PTPRD: variants seen among roughly 807,000 people sequenced by gnomAD.
PTPRD encodes the protein receptor-type tyrosine-protein phosphatase delta.
In PTPRD, 34 loss-of-function variants were observed where a neutral mutation model predicts 214.5. That is an observed-to-expected ratio of 0.16 (90% confidence interval 0.12 to 0.21). The LOEUF (loss-of-function observed/expected upper bound fraction) is 0.21. PTPRD is among the 10% of genes least tolerant of loss of function. The pLI, the probability that PTPRD is intolerant of heterozygous loss-of-function variation, is 1.00. For synonymous variants in PTPRD, 1,128 were observed against 845.7 expected (o/e 1.33, Z -5.79); for missense variants, 2,545 against 2,398.7 (o/e 1.06, Z -1.27).
chr9:8,525,079 G>A (rs542103866), intron 17 of PTPRD, 44 bp from the exon 18 acceptor site: 16 of 1,517,232 alleles, frequency 1.1e-5, no homozygotes, highest in Non-Finnish European at 1.4e-5. Flanking sequence ...GATCAGAGAA[G>A]GCTTTCTCAG....
intron 2 of PTPRD, among the ~76,000 whole-genome samples, chr9:10,588,978 T>C (rs2074683624): frequency 6.6e-6 from 1 of 152,158 alleles, no homozygotes; most frequent in African/African-American, 2.4e-5. Flanking sequence ...ACTGAATGAG[T>C]AATATTGTAG....
chr9:10,560,144 A>G (rs1361798679), intron 2 of PTPRD, among the ~76,000 whole-genome samples: 2 of 152,184 alleles, frequency 1.3e-5, no homozygotes, highest in Non-Finnish European at 2.9e-5. Context: ...AATAGCAAAG[A>G]CATGGAACCA....
At chr9:9,898,757 T>G (rs1037910118) in intron 5 of PTPRD, among the ~76,000 whole-genome samples, 20 of 152,114 alleles carry the variant, frequency 1.3e-4, no homozygotes, top group Non-Finnish European at 1.5e-5. Context: ...TATATTCCAC[T>G]TGACTAATGT....
chr9:10,026,595 T>A (rs2096927497), intron 4 of PTPRD, among the ~76,000 whole-genome samples: 1 of 152,146 alleles, frequency 6.6e-6, no homozygotes, highest in Admixed American at 6.6e-5. Flanking sequence ...GCAGTCACAG[T>A]ACAGTTACAA....
chr9:9,649,197 T>C (rs927578060), intron 7 of PTPRD, among the ~76,000 whole-genome samples: 1 of 152,170 alleles, frequency 6.6e-6, no homozygotes, highest in African/African-American at 2.4e-5. Flanking sequence ...ATTTCATACA[T>C]TCTGACCCTG....
intron 11 of PTPRD, among the ~76,000 whole-genome samples, chr9:8,946,031 G>A (rs1418560500): frequency 6.6e-6 from 1 of 152,116 alleles, no homozygotes; most frequent in African/African-American, 2.4e-5. Context: ...TGTAGAAAGA[G>A]CATGAGATAT....
chr9:8,908,499 G>T (rs1566944804), intron 11 of PTPRD, among the ~76,000 whole-genome samples: 1 of 151,710 alleles, frequency 6.6e-6, no homozygotes, highest in Admixed American at 6.6e-5. Context: ...TAACCCATGG[G>T]GTAAAGAAGA....
At chr9:8,757,455 A>G (rs1207756694) in intron 11 of PTPRD, among the ~76,000 whole-genome samples, 1 of 152,000 alleles carries the variant, frequency 6.6e-6, no homozygotes, top group East Asian at 1.9e-4. Flanking sequence ...CAAATACCAT[A>G]TACCATACAG....
chr9:9,390,357 T>G (rs2065375021), intron 9 of PTPRD, among the ~76,000 whole-genome samples: 2 of 152,086 alleles, frequency 1.3e-5, no homozygotes, highest in African/African-American at 2.4e-5. Context: ...AGTACTTAGA[T>G]TTTTACTTTT....
At chr9:10,412,656 ACACACACACC>A (rs1302894730) in intron 2 of PTPRD, among the ~76,000 whole-genome samples, 4 of 149,172 alleles carry the variant, frequency 2.7e-5, no homozygotes, top group African/African-American at 1.0e-4. Context: ...ACACACACAC[ACACACACACC>A]CCTTGAAGCC....
intron 2 of PTPRD, among the ~76,000 whole-genome samples, chr9:10,344,282 G>A (rs1396165027): frequency 6.6e-6 from 1 of 152,020 alleles, no homozygotes; most frequent in African/African-American, 2.4e-5. Flanking sequence ...TTATTGAATA[G>A]AGAATCCTTT....
At chr9:10,029,360 T>G (rs992770692) in intron 4 of PTPRD, among the ~76,000 whole-genome samples, 105 of 152,252 alleles carry the variant, frequency 6.9e-4, no homozygotes, top group African/African-American at 2.5e-3. Flanking sequence ...GACCCCAGAA[T>G]GGTAGATCCA....
chr9:9,919,470 T>C (rs1196178269), intron 5 of PTPRD, among the ~76,000 whole-genome samples: 1 of 152,118 alleles, frequency 6.6e-6, no homozygotes, highest in African/African-American at 2.4e-5. Context: ...TCCCACCCTT[T>C]AGATGGCTGT....
At chr9:9,699,548 A>T (rs58523814) in intron 7 of PTPRD, among the ~76,000 whole-genome samples, 1 of 152,158 alleles carries the variant, frequency 6.6e-6, no homozygotes, top group Non-Finnish European at 1.5e-5. Context: ...AATGAATCTT[A>T]TCTATTAGAA....
chr9:9,778,382 A>G (rs906303874), intron 5 of PTPRD, among the ~76,000 whole-genome samples: 1 of 152,088 alleles, frequency 6.6e-6, no homozygotes, highest in Non-Finnish European at 1.5e-5. Flanking sequence ...CCTGGGGAAA[A>G]GGCAGAGACA....
intron 12 of PTPRD, among the ~76,000 whole-genome samples, chr9:8,653,087 T>A (rs2096844895): frequency 6.6e-6 from 1 of 152,168 alleles, no homozygotes; most frequent in Admixed American, 6.5e-5. Context: ...AGTTTTTTGG[T>A]AACCTAGACA....
At chr9:9,498,028 C>T (rs908994641) in intron 8 of PTPRD, among the ~76,000 whole-genome samples, 1 of 152,048 alleles carries the variant, frequency 6.6e-6, no homozygotes, top group African/African-American at 2.4e-5. Context: ...TAACAGTTCC[C>T]AGTTTTGCAC....
At chr9:10,061,352 TAA>T (rs1207687239) in intron 3 of PTPRD, among the ~76,000 whole-genome samples, 1 of 152,088 alleles carries the variant, frequency 6.6e-6, no homozygotes. Flanking sequence ...TTGAAGACTA[TAA>T]CTTAGGGAAA....
intron 9 of PTPRD, among the ~76,000 whole-genome samples, chr9:9,331,023 AAAAT>A (rs759399718): frequency 3.2e-4 from 48 of 152,042 alleles, no homozygotes; most frequent in Non-Finnish European, 5.3e-4. Context: ...CATGGAATAA[AAAAT>A]CCTGGGCAAA....
Sources: allele counts gnomAD v4.1 joint callset (sites outside exome capture counted in the v4.1 genomes callset), GRCh38; gene constraint gnomAD v4.1.1; transcripts MANE v1.5; gene names NCBI Gene and HGNC (gene_info 2026-07-23, HGNC 2026-07-21).